The following PLCG1 variants were observed in gnomAD, a reference collection of about 807,000 sequenced individuals.
PLCG1 encodes 1-phosphatidylinositol 4,5-bisphosphate phosphodiesterase gamma-1.
A neutral mutation model predicts 177.8 loss-of-function variants in PLCG1; 71 were observed. That is an observed-to-expected ratio of 0.40 (90% CI 0.33 to 0.49). The LOEUF is 0.49. Ranked by LOEUF, PLCG1 falls within the 20% of genes least tolerant of loss-of-function variation. The pLI, the probability that PLCG1 is intolerant of heterozygous loss-of-function variation, is 0.72. For missense variants in PLCG1, 1,281 were observed against 1,709.0 expected (o/e 0.75, Z 4.42); for synonymous variants, 658 against 647.9 (o/e 1.02, Z -0.24).
chr20:41,157,797 TGA>T lies in PLCG1; in HGVS notation c.218-1805_218-1804del, dbSNP rs1418986536. 6.6e-6 allele frequency among the ~76,000 whole-genome samples: 1 copy of T among 151,688 alleles called. No individual in the cohort carries two copies. The highest frequency in any genetic ancestry group is 1.5e-5 in the Non-Finnish European group (1 of 67,936). ...CTTAGTGTGGATGGAGCAGAGAGGG[TGA>T]GAGGGCAAAAGCTGGGGAGGTAAAT... On this transcript the variant is annotated intron_variant, in intron 1 of 31. Coordinates refer to ENST00000685551, the MANE Select transcript of PLCG1 (RefSeq NM_002660.3). The surrounding 1 kb of genome is among the most constrained non-coding windows in gnomAD (Gnocchi z 5.4).
chr20:41,146,327 A>G lies in PLCG1; in HGVS notation c.217+8469A>G, dbSNP rs2146005074. On this transcript the variant is annotated intron_variant, in intron 1 of 31. Coordinates refer to ENST00000685551, the MANE Select transcript of PLCG1 (RefSeq NM_002660.3). The surrounding 1 kb of genome is among the most constrained non-coding windows in gnomAD (Gnocchi z 6.3). ...GCTGGCAGGAGACAGCTGTGCCTAA[A>G]GTGCTGTAGGCTGGGCCTGAGGGCC... Among the ~76,000 whole-genome samples the G allele has an allele frequency of 6.6e-6, 1 of 152,362 alleles. No homozygotes were observed. The highest frequency in any genetic ancestry group is 2.1e-4 in the South Asian group (1 of 4,832).
At chr20:41,155,003 C>T (rs1288398587) in intron 1 of PLCG1, among the ~76,000 whole-genome samples, 3 of 152,206 alleles carry the variant, frequency 2.0e-5, no homozygotes, top group African/African-American at 4.8e-5. Flanking sequence ...CCAGAAGCTC[C>T]GCTCTGAGTA....
chr20:41,155,932 G>A (rs1484672247), intron 1 of PLCG1, among the ~76,000 whole-genome samples: 1 of 152,180 alleles, frequency 6.6e-6, no homozygotes, highest in Non-Finnish European at 1.5e-5. Context: ...GAGCTGTGTG[G>A]TTCTCCTCAC....
chr20:41,145,183 G>C (rs1295289890), intron 1 of PLCG1, among the ~76,000 whole-genome samples: 2 of 152,158 alleles, frequency 1.3e-5, no homozygotes, highest in Non-Finnish European at 2.9e-5. Context: ...AATTTCCCCT[G>C]TTTGCTATGT....
In PLCG1 at chr20:41,163,232, T is replaced by G; in HGVS notation, c.746T>G (p.Val249Gly). 1 of 1,548,088 alleles carries G rather than the reference T, an allele frequency of 6.5e-7. No homozygotes were observed. Among genetic ancestry groups the G allele is most frequent in the Non-Finnish European group, 8.7e-7 (1 of 1,149,706 alleles). ...GGGGAGCGGCCGGAGCTTTGCCGAG[T>G]GTCCCTTCCTGAGTTCCAGCAGTTC... is the stretch of plus-strand genomic sequence containing the variant. Reference protein sequence around the residue: ...RAGERPELCRVSLPEFQQFLL... With the variant: ...RAGERPELCRGSLPEFQQFLL... Residue 249 changes from valine (V) to glycine (G), a missense_variant, in exon 8 of 32, where the codon GTG becomes GGG. Around this residue, in one of 4 missense-constraint regions of PLCG1, gnomAD observed 374 missense variants for 443.8 expected, o/e 0.84. Transcript: ENST00000685551. The surrounding 1 kb of genome is among the most constrained non-coding windows in gnomAD (Gnocchi z 5.2).
intron 1 of PLCG1, among the ~76,000 whole-genome samples, chr20:41,143,534 G>T (rs1342971134): frequency 3.3e-5 from 5 of 152,214 alleles, no homozygotes; most frequent in Admixed American, 3.3e-4. Flanking sequence ...AGGAGCATGG[G>T]AACAGTGCGT....
At chr20:41,140,961 C>T (rs2034805516) in intron 1 of PLCG1, among the ~76,000 whole-genome samples, 1 of 152,178 alleles carries the variant, frequency 6.6e-6, no homozygotes. Context: ...CCCATGTTCC[C>T]TGTGGTCCAC....
chr20:41,167,019 G>A lies in PLCG1; in HGVS notation c.2301+160G>A. The A allele has an allele frequency of 3.0e-6, 2 of 662,110 alleles. 1 individual carries two copies. Among genetic ancestry groups the A allele is most frequent in the South Asian group, 3.5e-5 (2 of 56,604 alleles). 41.0% of individuals were successfully genotyped at this position (662,110 alleles called of 1,614,324 possible). On this transcript the variant is annotated intron_variant, in intron 19 of 31. Coordinates refer to ENST00000685551, the MANE Select transcript of PLCG1 (RefSeq NM_002660.3). The surrounding 1 kb of genome is among the most constrained non-coding windows in gnomAD (Gnocchi z 4.4). ...GGAGCCACAGTGTGGGTACCAGGAGGGTGTCTGCAGGAGGGGACATCTGAG... is the reference window on the plus strand; with the variant it reads ...GGAGCCACAGTGTGGGTACCAGGAGAGTGTCTGCAGGAGGGGACATCTGAG...
chr20:41,160,037 G>A lies in PLCG1; in HGVS notation c.465-69G>A. 6.2e-7 allele frequency: 1 copy of A among 1,600,866 alleles called. No individual in the cohort carries two copies. Among genetic ancestry groups the A allele is most frequent in the Non-Finnish European group, 8.6e-7 (1 of 1,167,942 alleles). ...GGGGACAGGGACAGCAGACCTTTGT[G>A]TGCCCAGACATCTCCCAGGCCTGAC... On this transcript the variant is annotated intron_variant, in intron 3 of 31. Transcript: ENST00000685551. The surrounding 1 kb of genome is among the most constrained non-coding windows in gnomAD (Gnocchi z 5.5).
rs189864444 is a variant in PLCG1 at position 41,157,465 on chromosome 20, G to A, written c.218-2141G>A. Reference sequence around the variant, plus strand: ...GTTCTCCCTGCCCCTGTTTCTACCCGAGTATAACTGTTCATTTTTGTTCCC... The same window carrying A: ...GTTCTCCCTGCCCCTGTTTCTACCCAAGTATAACTGTTCATTTTTGTTCCC... On this transcript the variant is annotated intron_variant, in intron 1 of 31. Transcript: ENST00000685551. The surrounding 1 kb of genome is among the most constrained non-coding windows in gnomAD (Gnocchi z 5.4). Among the ~76,000 whole-genome samples the A allele has an allele frequency of 1.1e-4, 16 of 152,178 alleles. No individual in the cohort carries two copies. Among genetic ancestry groups the A allele is most frequent in the African/African-American group, 3.4e-4 (14 of 41,518 alleles).
chr20:41,159,533 C>T lies in PLCG1; in HGVS notation c.218-73C>T. On this transcript the variant is annotated intron_variant, in intron 1 of 31. Coordinates refer to ENST00000685551, the MANE Select transcript of PLCG1 (RefSeq NM_002660.3). The surrounding 1 kb of genome is among the most constrained non-coding windows in gnomAD (Gnocchi z 6.0). The stretch of plus-strand genomic sequence containing the variant: ...GAGAGAGAGTGTAAGAATGAGGAAA[C>T]CAGGCTGCCCTCCTTTCGGTGTTGA... 3 of 1,513,020 alleles carry T rather than the reference C, an allele frequency of 2.0e-6. No homozygotes were observed. Among genetic ancestry groups the T allele is most frequent in the South Asian group, 1.2e-5 (1 of 82,496 alleles). The allele number at this position is 1,513,020 out of a possible 1,614,324, so 93.7% of individuals were successfully genotyped here.
intron 1 of PLCG1, among the ~76,000 whole-genome samples, chr20:41,141,779 C>G (rs138540110): frequency 3.9e-5 from 6 of 152,350 alleles, no homozygotes; most frequent in Non-Finnish European, 8.8e-5. Context: ...TCCTCTGTTT[C>G]CTGTGAACCT....
rs1289350213 is a variant in PLCG1 at position 41,159,010 on chromosome 20, C to CA, written c.218-592dup. 1.3e-5 allele frequency among the ~76,000 whole-genome samples: 2 copies of CA among 152,180 alleles called. No individual in the cohort carries two copies. The highest frequency in any genetic ancestry group is 2.9e-5 in the Non-Finnish European group (2 of 68,040). On this transcript the variant is annotated intron_variant, in intron 1 of 31. Coordinates refer to ENST00000685551, the MANE Select transcript of PLCG1 (RefSeq NM_002660.3). The surrounding 1 kb of genome is among the most constrained non-coding windows in gnomAD (Gnocchi z 6.0). ...GCTAAGATAAGGAAATGGTCCCAGG[C>CA]AAAATGGTGGTCTGGGTCCAGGATG...
Position 41,165,515 on chromosome 20 carries a change from T to A in PLCG1, c.1575T>A (p.Ser525Arg). The A allele has an allele frequency of 2.5e-6, 4 of 1,613,976 alleles. No individual in the cohort carries two copies. Among genetic ancestry groups the A allele is most frequent in the Non-Finnish European group, 3.4e-6 (4 of 1,179,930 alleles). The change falls in exon 15 of 32, where the codon AGT becomes AGA. Residue 525 changes from serine to arginine, a missense_variant. Physicochemically the swap from Ser to Arg is moderately radical, Grantham distance 110 (BLOSUM62 -1). This residue lies in a region of PLCG1 where 723 missense variants were observed against 1,030.0 expected (regional missense o/e 0.70). Transcript: ENST00000685551. The surrounding 1 kb of genome is among the most constrained non-coding windows in gnomAD (Gnocchi z 6.6). ...TCTACTACTCTGAGGAGACCAGCAG[T>A]GACCAGGGCAACGAGGATGAGGAGG... ...SKIYYSEETS[S>R]DQGNEDEEEP...
chr20:41,174,598 C>A lies in PLCG1; in HGVS notation c.*89C>A. On this transcript the variant is annotated 3_prime_UTR_variant, in exon 32 of 32. Transcript: ENST00000685551. This position sits in a 1 kb window ranked among gnomAD's most constrained non-coding sequence, Gnocchi z 5.8. ...GTTCTTTGGAAGCAGCCCCCTGTGG[C>A]GGCCTTCCGGGTCTCGCAGCCTGAA... The A allele has an allele frequency of 8.4e-7, 1 of 1,185,976 alleles. No homozygotes were observed. 73.5% of individuals were successfully genotyped at this position (1,185,976 alleles called of 1,614,324 possible).
chr20:41,166,913 A>G lies in PLCG1; in HGVS notation c.2301+54A>G. ...GCAGGGGAGGCAGGAGAGACCCAGAATCTTACCAGTCTCTGGATGTGTGTA... is the reference window on the plus strand; with the variant it reads ...GCAGGGGAGGCAGGAGAGACCCAGAGTCTTACCAGTCTCTGGATGTGTGTA... On this transcript the variant is annotated intron_variant, in intron 19 of 31. Coordinates refer to ENST00000685551, the MANE Select transcript of PLCG1 (RefSeq NM_002660.3). The surrounding 1 kb of genome is among the most constrained non-coding windows in gnomAD (Gnocchi z 8.6). 1 of 1,512,462 alleles carries G rather than the reference A, an allele frequency of 6.6e-7. No individual in the cohort carries two copies. The highest frequency in any genetic ancestry group is 9.2e-7 in the Non-Finnish European group (1 of 1,090,358). 93.7% of individuals were successfully genotyped at this position (1,512,462 alleles called of 1,614,324 possible). A position where few individuals can be genotyped will look rare whatever the true frequency, so the allele number is the denominator to read the frequency against.
In PLCG1 at chr20:41,170,222, G is replaced by A; in HGVS notation, c.2761G>A (p.Asp921Asn). Reference protein sequence around the residue: ...VAADSQEELQDWVKKIREVAQ... With the variant: ...VAADSQEELQNWVKKIREVAQ... ...TGCCGACTCACAGGAGGAGCTGCAG[G>A]ACTGGGTGAAAAAGATCCGTGAAGT... The change falls in exon 24 of 32, where the codon GAC becomes AAC. Residue 921 changes from aspartate (D) to asparagine (N), a missense_variant. Asp to Asn is a conservative substitution (Grantham distance 23). Coordinates refer to ENST00000685551, the MANE Select transcript of PLCG1 (RefSeq NM_002660.3). 1 of 1,614,138 alleles carries A rather than the reference G, an allele frequency of 6.2e-7. No homozygotes were observed. The highest frequency in any genetic ancestry group is 8.5e-7 in the Non-Finnish European group (1 of 1,180,004).
At position 41,150,874 on chromosome 20, in the gene PLCG1, CAT is replaced by C. The variant is rs2035146470; in HGVS notation, c.218-8730_218-8729del. Among the ~76,000 whole-genome samples the C allele has an allele frequency of 1.3e-5, 2 of 152,212 alleles. No homozygotes were observed. The highest frequency in any genetic ancestry group is 1.3e-4 in the Admixed American group (2 of 15,280). On this transcript the variant is annotated intron_variant, in intron 1 of 31. Transcript: ENST00000685551. This position sits in a 1 kb window ranked among gnomAD's most constrained non-coding sequence, Gnocchi z 4.0. Reference sequence around the variant, plus strand: ...TGTTGTTCTACTCGTTGCATGACCTCATAGTTATCTGCTTCCCCATCTGTTTC... The same window carrying C: ...TGTTGTTCTACTCGTTGCATGACCTCAGTTATCTGCTTCCCCATCTGTTTC...
intron 24 of PLCG1, among the ~76,000 whole-genome samples, chr20:41,171,432 C>G (rs545295169): frequency 6.6e-6 from 1 of 151,836 alleles, no homozygotes; most frequent in Non-Finnish European, 1.5e-5. Flanking sequence ...ACTGAAAATA[C>G]AAAAATTAGC....
Sources: allele counts gnomAD v4.1 joint callset (sites outside exome capture counted in the v4.1 genomes callset), GRCh38; gene constraint gnomAD v4.1.1; regional missense constraint gnomAD v4.1.1; non-coding constraint Gnocchi (gnomAD v3.1); transcripts MANE v1.5; gene names NCBI Gene and HGNC (gene_info 2026-07-23, HGNC 2026-07-21).